PLIN5: variants seen among roughly 807,000 people sequenced by gnomAD.
The protein encoded by PLIN5 is perilipin-5.
A neutral mutation model predicts 32.8 loss-of-function variants in PLIN5; 34 were observed. The ratio of observed to expected loss-of-function variants is 1.04; its 90% CI spans 0.79 to 1.38. PLIN5 has a LOEUF of 1.38. PLIN5 is among the 40% of genes most tolerant of loss of function. The pLI is 0.00. For missense variants in PLIN5, 712 were observed against 660.5 expected (o/e 1.08, Z -0.85); for synonymous variants, 309 against 292.9 (o/e 1.05, Z -0.56).
intron 3 of PLIN5, among the ~76,000 whole-genome samples, chr19:4,530,989 T>G (rs917639161): frequency 1.4e-5 from 2 of 144,482 alleles, no homozygotes; most frequent in African/African-American, 5.2e-5. Context: ...GGGATCAGTT[T>G]TTTTTGTTTG....
In PLIN5 at chr19:4,525,565, T is replaced by C. The variant is rs552279251; in HGVS notation, c.720+68A>G. On this transcript the variant is annotated intron_variant, in intron 6 of 7. Transcript: ENST00000381848. This position sits in a 1 kb window ranked among gnomAD's most constrained non-coding sequence, Gnocchi z 5.6. ...CTTTAGGCTAGCACGGGATCCGGTA[T>C]TCAGCTGGTGCTCAATCCATACTGA... 997 of 1,571,508 alleles carry C rather than the reference T, an allele frequency of 6.3e-4. 6 individuals carry two copies. The African/African-American group carries it at 0.012, about 20-fold the overall frequency.
At chr19:4,533,683 G>A in intron 2 of PLIN5, 2 of 497,656 alleles carry the variant, frequency 4.0e-6, no homozygotes, top group Non-Finnish European at 7.1e-6. Context: ...AGTGATTGCT[G>A]CTCTTACTAT....
intron 5 of PLIN5, chr19:4,528,478 A>G (rs2145326126): frequency 1.3e-5 from 2 of 150,656 alleles, no homozygotes; most frequent in South Asian, 2.1e-4. Context: ...GCGCGATCTC[A>G]GCTCATTGCA....
chr19:4,526,998 A>G (rs966080779), intron 5 of PLIN5, among the ~76,000 whole-genome samples: 3 of 152,208 alleles, frequency 2.0e-5, no homozygotes, highest in Non-Finnish European at 4.4e-5. Flanking sequence ...GCACTTTGGG[A>G]GGCCAAGGCA....
At chr19:4,528,413 C>CT (rs374537863) in intron 5 of PLIN5, 540 of 145,266 alleles carry the variant, frequency 3.7e-3, no homozygotes, top group Admixed American at 5.3e-3. Flanking sequence ...TCTAGTTTTT[C>CT]TTTTTTTTTT....
intron 2 of PLIN5, 92 bp downstream of exon 2, chr19:4,533,923 G>C: frequency 7.2e-7 from 1 of 1,396,182 alleles, no homozygotes; most frequent in Non-Finnish European, 9.9e-7. Context: ...AAGGAGAGGA[G>C]TGGGGCGGGA....
At chr19:4,528,873 G>A in intron 5 of PLIN5, 200 bp downstream of exon 5, 1 of 529,866 alleles carries the variant, frequency 1.9e-6, no homozygotes, top group Non-Finnish European at 3.3e-6. Flanking sequence ...CTTAGGGTCT[G>A]GGTGTTCTGA....
intron 1 of PLIN5, 30 bp downstream of exon 1, chr19:4,535,135 G>C (rs576877835): frequency 6.6e-6 from 1 of 151,178 alleles, no homozygotes; most frequent in South Asian, 2.1e-4. Flanking sequence ...CCGGGGGGGC[G>C]CTCCCGGACG....
At chr19:4,524,876 C>T in intron 7 of PLIN5, 87 bp downstream of exon 7, 1 of 1,202,376 alleles carries the variant, frequency 8.3e-7, no homozygotes, top group Non-Finnish European at 1.1e-6. Flanking sequence ...CCCGGCAGTA[C>T]TGGGCTGACC....
In PLIN5 at chr19:4,523,692, G is replaced by C; in HGVS notation, c.1228C>G (p.Leu410Val). ...GCTCTCTGCTGGGCCGGCCAGTCCA[G>C]GTGCGCCCAGCGGGGGTCAGGGCCC... ...IGGPDPRWAH[L>V]DWPAQQRAWE... Residue 410 changes from leucine (L) to valine (V), a missense_variant, in exon 8 of 8, where the codon CTG becomes GTG. Physicochemically the swap from Leu to Val is conservative, Grantham distance 32. Coordinates refer to ENST00000381848, the MANE Select transcript of PLIN5 (RefSeq NM_001013706.3). The surrounding 1 kb of genome is among the most constrained non-coding windows in gnomAD (Gnocchi z 5.0). The C allele has an allele frequency of 1.2e-6, 2 of 1,606,350 alleles. No homozygotes were observed. The highest frequency in any genetic ancestry group is 1.7e-6 in the Non-Finnish European group (2 of 1,179,726).
In PLIN5 at chr19:4,524,802, T is replaced by C. The variant is rs552157219; in HGVS notation, c.834+161A>G. Among the ~76,000 whole-genome samples, 114 of 151,442 alleles carry C rather than the reference T, an allele frequency of 7.5e-4. 4 individuals carry two copies. In the East Asian group the frequency reaches 0.02, roughly 27 times the overall value. ...AATGGGACTTAAACCTGCCTCAGTT[T>C]CCCCCCCCAGACACCTCAACTAGCT... is the stretch of plus-strand genomic sequence containing the variant. On this transcript the variant is annotated intron_variant, in intron 7 of 7. Transcript: ENST00000381848.
chr19:4,523,862 T>C lies in PLIN5; in HGVS notation c.1058A>G (p.His353Arg). 1.3e-6 allele frequency: 2 copies of C among 1,543,706 alleles called. No homozygotes were observed. The highest frequency in any genetic ancestry group is 1.7e-6 in the Non-Finnish European group (2 of 1,156,736). ...ALAEGRGRVA[H>R]AHACVDELLE... ...CAGCTCGTCCACGCAGGCGTGCGCG[T>C]GGGCCACGCGACCCCGGCCCTCGGC... Residue 353 changes from histidine to arginine, a missense_variant, in exon 8 of 8, where the codon CAC becomes CGC. His to Arg is a conservative substitution (Grantham distance 29). Transcript: ENST00000381848. The surrounding 1 kb of genome is among the most constrained non-coding windows in gnomAD (Gnocchi z 5.0).
chr19:4,530,870 C>T (rs555761501), intron 3 of PLIN5, among the ~76,000 whole-genome samples: 1 of 152,152 alleles, frequency 6.6e-6, no homozygotes, highest in South Asian at 2.1e-4. Context: ...GTTGGGGTTT[C>T]ACCATGTTGG....
At chr19:4,534,968 C>T (rs1036139156) in intron 1 of PLIN5, among the ~76,000 whole-genome samples, 197 bp downstream of exon 1, 1 of 152,186 alleles carries the variant, frequency 6.6e-6, no homozygotes, top group African/African-American at 2.4e-5. Context: ...CCTCCGGTTG[C>T]CACCCCGCGT....
intron 1 of PLIN5, chr19:4,534,296 T>A (rs974612922): frequency 5.1e-6 from 3 of 586,270 alleles, no homozygotes; most frequent in Non-Finnish European, 9.1e-6. Context: ...TCTGGCAAGG[T>A]AGGGTTGCCG....
chr19:4,534,241 T>C, intron 1 of PLIN5, 146 bp from the exon 2 acceptor site: 2 of 679,150 alleles, frequency 2.9e-6, no homozygotes, highest in Non-Finnish European at 2.6e-6. Flanking sequence ...GCTCAGACAA[T>C]GCATGTCCAG....
Position 4,529,592 on chromosome 19 carries a change from CGT to C in PLIN5, c.339+190_339+191del, listed in dbSNP as rs1976855893. 2.0e-5 allele frequency: 10 copies of C among 494,952 alleles called. No individual in the cohort carries two copies. In the African/African-American group the frequency reaches 2.1e-4, roughly 10 times the overall value. The allele number at this position is 494,952 out of a possible 1,614,324, so 30.7% of individuals were successfully genotyped here. A position where few individuals can be genotyped will look rare whatever the true frequency, so the allele number is the denominator to read the frequency against. Reference sequence around the variant, plus strand: ...CGTATATATACATATATACACTATACGTATATACATATATGTATACACACACA... The same window carrying C: ...CGTATATATACATATATACACTATACATATACATATATGTATACACACACA... On this transcript the variant is annotated intron_variant, in intron 4 of 7. Transcript: ENST00000381848.
At position 4,525,075 on chromosome 19, in the gene PLIN5, A is replaced by G; in HGVS notation, c.722T>C (p.Ile241Thr). The G allele has an allele frequency of 7.2e-7, 1 of 1,388,356 alleles. No individual in the cohort carries two copies. Among genetic ancestry groups the G allele is most frequent in the East Asian group, 3.0e-5 (1 of 33,856 alleles). 86.0% of individuals were successfully genotyped at this position (1,388,356 alleles called of 1,614,324 possible). The change falls in exon 7 of 8, where the codon ATA becomes ACA. Residue 241 changes from isoleucine to threonine, a missense_variant and splice_region_variant. Physicochemically the swap from Ile to Thr is moderately conservative, Grantham distance 89. Transcript: ENST00000381848. This position sits in a 1 kb window ranked among gnomAD's most constrained non-coding sequence, Gnocchi z 5.6. ...LAQLQETLEL[I>T]DHMQCGVTPT... Reference sequence around the variant, plus strand: ...GGTCACCCCACACTGCATGTGGTCTATCTGCAAGGACAGAAATGGTGGTCT... The same window carrying G: ...GGTCACCCCACACTGCATGTGGTCTGTCTGCAAGGACAGAAATGGTGGTCT...
chr19:4,526,947 A>G (rs1355201839), intron 5 of PLIN5, among the ~76,000 whole-genome samples: 2 of 151,912 alleles, frequency 1.3e-5, no homozygotes, highest in Non-Finnish European at 2.9e-5. Context: ...TAAAAAGAAT[A>G]TATCATAGTC....
Sources: gnomAD v4.1 joint callset for allele counts (sites outside exome capture counted in the v4.1 genomes callset) on GRCh38, gnomAD v4.1.1 for gene constraint, Gnocchi (gnomAD v3.1) non-coding constraint, MANE v1.5 for transcripts, NCBI Gene and HGNC (gene_info 2026-07-23, HGNC 2026-07-21) for gene names.